KYAT3: variants seen among roughly 807,000 people sequenced by gnomAD.
KYAT3 encodes kynurenine aminotransferase 3, also known as kynurenine--oxoglutarate transaminase 3.
Under a neutral mutation model 59.0 loss-of-function variants are expected in KYAT3, and 50 were observed. The ratio of observed to expected loss-of-function variants is 0.85; its 90% confidence interval spans 0.68 to 1.07. The LOEUF is 1.07. Ranked by LOEUF, KYAT3 falls within the 50% of genes least tolerant of loss-of-function variation. KYAT3 has a pLI of 0.00. For missense variants in KYAT3, 497 were observed against 533.3 expected (o/e 0.93, Z 0.67); for synonymous variants, 148 against 177.0 (o/e 0.84, Z 1.30).
intron 13 of KYAT3, among the ~76,000 whole-genome samples, chr1:88,937,130 G>T (rs1675070369): frequency 6.6e-6 from 1 of 152,156 alleles, no homozygotes; most frequent in Non-Finnish European, 1.5e-5. Flanking sequence ...CAGGCATCTG[G>T]CATGGTGTCA....
At chr1:88,944,831 A>C (rs988688259) in intron 11 of KYAT3, among the ~76,000 whole-genome samples, 1 of 152,090 alleles carries the variant, frequency 6.6e-6, no homozygotes, top group Non-Finnish European at 1.5e-5. Context: ...GAGCTTAGAC[A>C]AAAGGAATTT....
intron 1 of KYAT3, among the ~76,000 whole-genome samples, 172 bp from the exon 2 acceptor site, chr1:88,988,523 C>T (rs750963084): frequency 1.1e-4 from 16 of 152,160 alleles, no homozygotes; most frequent in Non-Finnish European, 1.9e-4. Context: ...AATCTCTCAT[C>T]ACTGGAGGCA....
intron 13 of KYAT3, among the ~76,000 whole-genome samples, chr1:88,939,836 T>G (rs558322719): frequency 6.6e-6 from 1 of 152,280 alleles, no homozygotes; most frequent in East Asian, 1.9e-4. Flanking sequence ...TGAACTCTGA[T>G]AGCTCCCATT....
chr1:88,955,752 A>T (rs553317830), intron 8 of KYAT3, among the ~76,000 whole-genome samples: 1 of 152,292 alleles, frequency 6.6e-6, no homozygotes, highest in East Asian at 1.9e-4. Flanking sequence ...CTTGTAAGAA[A>T]GGCAAATCAC....
At chr1:88,965,028 A>G in intron 4 of KYAT3, 50 bp from the exon 5 acceptor site, 2 of 1,450,096 alleles carry the variant, frequency 1.4e-6, no homozygotes, top group Non-Finnish European at 1.9e-6. Flanking sequence ...TATGGGACCT[A>G]CTGTTTGAGG....
At position 88,975,368 on chromosome 1, in the gene KYAT3, G is replaced by C. The variant is rs1676739858; in HGVS notation, c.100-5901C>G. Reference sequence around the variant, plus strand: ...GGGTTTCACCACGTTAGCCAGGATGGTCTTGATCTCCTGACCTCGTGATCT... The same window carrying C: ...GGGTTTCACCACGTTAGCCAGGATGCTCTTGATCTCCTGACCTCGTGATCT... On this transcript the variant is annotated intron_variant, in intron 2 of 13. Coordinates refer to ENST00000260508, the MANE Select transcript of KYAT3 (RefSeq NM_001008661.3). Among the ~76,000 whole-genome samples, 3 of 152,166 alleles carry C rather than the reference G, an allele frequency of 2.0e-5. No homozygotes were observed. In the South Asian group the frequency reaches 6.2e-4, roughly 32 times the overall value.
At chr1:88,975,854 G>T (rs1468853806) in intron 2 of KYAT3, among the ~76,000 whole-genome samples, 1 of 151,958 alleles carries the variant, frequency 6.6e-6, no homozygotes, top group Non-Finnish European at 1.5e-5. Flanking sequence ...GGCCAACATG[G>T]TAAAACCCCG....
At chr1:88,956,107 G>C (rs143365071) in intron 8 of KYAT3, among the ~76,000 whole-genome samples, 1 of 152,014 alleles carries the variant, frequency 6.6e-6, no homozygotes, top group Non-Finnish European at 1.5e-5. Context: ...TATTTTCTCC[G>C]TAAGGAACAT....
At chr1:88,979,485 T>C (rs1425920794) in intron 2 of KYAT3, 2 of 152,198 alleles carry the variant, frequency 1.3e-5, no homozygotes, top group African/African-American at 4.8e-5. Flanking sequence ...ATACAGTATA[T>C]ATAAAGAACT....
At chr1:88,930,285 C>A in the KYAT3 span, among the ~76,000 whole-genome samples, 1 of 152,196 alleles carries the variant, frequency 6.6e-6, no homozygotes, top group African/African-American at 2.4e-5. Context: ...CTAAAGGAGA[C>A]TTGTGGCTGT....
chr1:88,925,248 T>C, the KYAT3 span, among the ~76,000 whole-genome samples: 1 of 152,224 alleles, frequency 6.6e-6, no homozygotes, highest in Admixed American at 6.5e-5. Context: ...CATTAGCCGG[T>C]TGAGATCATG....
chr1:88,958,610 T>C, intron 8 of KYAT3, among the ~76,000 whole-genome samples: 1 of 152,190 alleles, frequency 6.6e-6, no homozygotes, highest in East Asian at 1.9e-4. Context: ...ACTTATCTGA[T>C]AGTGGATGCT....
At chr1:88,937,074 G>A (rs1174738223) in intron 13 of KYAT3, among the ~76,000 whole-genome samples, 1 of 152,152 alleles carries the variant, frequency 6.6e-6, no homozygotes, top group Non-Finnish European at 1.5e-5. Context: ...GCACCTGTAT[G>A]GTAGGGTGGC....
chr1:88,933,114 A>C (rs1307831756), downstream of KYAT3, among the ~76,000 whole-genome samples: 1 of 152,022 alleles, frequency 6.6e-6, no homozygotes, highest in Admixed American at 6.5e-5. Context: ...TTCTGACCAC[A>C]CTACTGTAAT....
At chr1:88,928,560 C>T in the KYAT3 span, among the ~76,000 whole-genome samples, 285 of 152,270 alleles carry the variant, frequency 1.9e-3, 1 homozygote, top group African/African-American at 6.6e-3. Context: ...GTCCATGCCC[C>T]TTATGTCAAG....
At chr1:88,956,585 C>T (rs1006545608) in intron 8 of KYAT3, among the ~76,000 whole-genome samples, 1 of 152,088 alleles carries the variant, frequency 6.6e-6, no homozygotes. Context: ...GTGATAAATG[C>T]TGTAGTAGGA....
At chr1:88,954,674 C>T (rs746835831) in intron 9 of KYAT3, among the ~76,000 whole-genome samples, 14 of 152,148 alleles carry the variant, frequency 9.2e-5, no homozygotes, top group Admixed American at 3.3e-4. Flanking sequence ...TAAAACTCAA[C>T]ATGAAAGCCA....
intron 2 of KYAT3, among the ~76,000 whole-genome samples, chr1:88,985,347 G>A (rs1290323510): frequency 6.6e-6 from 1 of 152,182 alleles, no homozygotes; most frequent in Non-Finnish European, 1.5e-5. Context: ...TGGACAGTCA[G>A]GCTGAACCAA....
chr1:88,935,210 C>T (rs1269715934), downstream of KYAT3, among the ~76,000 whole-genome samples: 1 of 150,196 alleles, frequency 6.7e-6, no homozygotes, highest in Non-Finnish European at 1.5e-5. Flanking sequence ...ACCATGTTGG[C>T]CAGCCTGGTC....
Sources: allele counts gnomAD v4.1 joint callset (sites outside exome capture counted in the v4.1 genomes callset), GRCh38; gene constraint gnomAD v4.1.1; transcripts MANE v1.5; gene names NCBI Gene and HGNC (gene_info 2026-07-23, HGNC 2026-07-21).